The following KAZN variants were observed in gnomAD, a reference collection of about 807,000 sequenced individuals.
KAZN encodes the protein kazrin, periplakin interacting protein.
In KAZN, 40 loss-of-function variants were observed where a neutral mutation model predicts 87.4. The ratio of observed to expected loss-of-function variants is 0.46; its 90% CI spans 0.36 to 0.60. The LOEUF (loss-of-function observed/expected upper bound fraction) is 0.60, where lower values mean the gene tolerates loss of function less well. Among genes scored for constraint, KAZN ranks in the 20% least tolerant of loss-of-function variants. The probability of loss-of-function intolerance (pLI) is 0.00; values close to 1 mark genes in which losing one functional copy is unlikely to be tolerated. For synonymous variants in KAZN, 466 were observed against 458.3 expected, an observed-to-expected ratio of 1.02 and a Z score of -0.22; for missense variants, 898 against 1,073.9, an observed-to-expected ratio of 0.84 and a Z score of 2.29.
At chr1:14,224,058 C>T (rs1022146745) in intron 2 of KAZN, among the ~76,000 whole-genome samples, 18 of 152,166 alleles carry the variant, frequency 1.2e-4, no homozygotes, top group African/African-American at 4.3e-4. Context: ...CAAGCTGGAC[C>T]TTTCAACAAT....
At chr1:15,112,094 TAAGATC>T (rs148543805) in intron 13 of KAZN, 147,428 of 361,658 alleles carry the variant, frequency 0.41, 31,788 homozygotes, top group East Asian at 0.68. Flanking sequence ...ACTGAAGAGT[TAAGATC>T]AAGACTTTGG....
At chr1:14,381,050 C>T (rs998438961) in intron 2 of KAZN, among the ~76,000 whole-genome samples, 6 of 152,154 alleles carry the variant, frequency 3.9e-5, no homozygotes, top group African/African-American at 1.4e-4. Flanking sequence ...GCAGAGGAGT[C>T]TCATCCCATG....
chr1:14,896,787 T>C (rs140248647), intron 1 of KAZN, among the ~76,000 whole-genome samples: 265 of 152,314 alleles, frequency 1.7e-3, no homozygotes, highest in African/African-American at 6.2e-3. Context: ...ATCTGGGTTC[T>C]AGAGAGGGAA....
chr1:13,988,920 A>T (rs1639150173), intron 1 of KAZN, among the ~76,000 whole-genome samples: 1 of 152,160 alleles, frequency 6.6e-6, no homozygotes, highest in Non-Finnish European at 1.5e-5. Flanking sequence ...TTGGCATCTT[A>T]CTTCATTTTG....
upstream of KAZN, among the ~76,000 whole-genome samples, chr1:14,594,780 C>T (rs553475278): frequency 1.6e-4 from 25 of 152,322 alleles, no homozygotes; most frequent in South Asian, 6.2e-4. Flanking sequence ...CGGCGGTAAA[C>T]GCCTATCAGC....
intron 2 of KAZN, among the ~76,000 whole-genome samples, chr1:14,467,584 G>C (rs1284159614): frequency 2.1e-5 from 3 of 144,104 alleles, no homozygotes; most frequent in African/African-American, 7.7e-5. Flanking sequence ...CATTCTACAA[G>C]TGACAAACTT....
chr1:14,880,276 G>A (rs1653197868), intron 1 of KAZN, among the ~76,000 whole-genome samples: 1 of 152,174 alleles, frequency 6.6e-6, no homozygotes, highest in African/African-American at 2.4e-5. Context: ...CTCTGAGACA[G>A]TCTGTGGATA....
chr1:13,922,899 T>C (rs1342550360), intron 1 of KAZN, among the ~76,000 whole-genome samples: 2 of 152,228 alleles, frequency 1.3e-5, no homozygotes, highest in Non-Finnish European at 2.9e-5. Context: ...GCTTAGAACA[T>C]TCGTCAGCAC....
chr1:14,001,057 C>G (rs932492791), intron 1 of KAZN, among the ~76,000 whole-genome samples: 95 of 152,122 alleles, frequency 6.2e-4, no homozygotes, highest in Non-Finnish European at 1.0e-4. Context: ...GCTGGGATTA[C>G]AGGCGTGAGC....
At chr1:14,226,687 A>G (rs1020121399) in intron 2 of KAZN, among the ~76,000 whole-genome samples, 2 of 152,208 alleles carry the variant, frequency 1.3e-5, no homozygotes, top group African/African-American at 4.8e-5. Context: ...TAAAGAGAAC[A>G]TGGTACATAT....
chr1:14,428,919 T>C (rs1172182010), intron 2 of KAZN, among the ~76,000 whole-genome samples: 1 of 151,840 alleles, frequency 6.6e-6, no homozygotes, highest in Non-Finnish European at 1.5e-5. Context: ...TATATATATA[T>C]AGGCTTTTCA....
rs1639209485 is a variant in KAZN, at chr1:15,066,157, T to A, written c.1222+404T>A. 9.7e-7 allele frequency: 1 copy of A among 1,028,666 alleles called. No homozygotes were observed. Among genetic ancestry groups the A allele is most frequent in the Non-Finnish European group, 1.2e-6 (1 of 858,694 alleles). The allele number at this position is 1,028,666 out of a possible 1,614,324, so 63.7% of individuals were successfully genotyped here. A position where few individuals can be genotyped will look rare whatever the true frequency, so the allele number is the denominator to read the frequency against. ...TTCGTCGGTTTGTTTTTGTTTTTGT[T>A]TTTTTCCCCCTTTCTCCTCCCCTCC... is the stretch of plus-strand genomic sequence containing the variant. On this transcript the variant is annotated intron_variant, in intron 8 of 14. Transcript: ENST00000376030. This position sits in a 1 kb window ranked among gnomAD's most constrained non-coding sequence, Gnocchi z 4.3.
At chr1:14,237,529 T>A (rs1379202673) in intron 2 of KAZN, among the ~76,000 whole-genome samples, 2 of 152,160 alleles carry the variant, frequency 1.3e-5, no homozygotes, top group African/African-American at 4.8e-5. Flanking sequence ...TATCTTTCAC[T>A]TAGGCACACC....
rs1221164888 is a variant in KAZN, at chr1:14,458,763, G to C, written c.250-140220G>C. Among the ~76,000 whole-genome samples the C allele has an allele frequency of 3.9e-5, 6 of 152,086 alleles. No individual in the cohort carries two copies. The South Asian group carries it at 6.2e-4, about 16-fold the overall frequency. On this transcript the variant is annotated intron_variant, in intron 2 of 16. Transcript: ENST00000636203. ...CTTCATTTAAATTTGTTATTCATGG[G>C]GTCAGAGACTCCGTGCCCATGATGG...
intron 2 of KAZN, among the ~76,000 whole-genome samples, chr1:15,010,776 C>A (rs1212549454): frequency 6.6e-6 from 1 of 152,184 alleles, no homozygotes; most frequent in Non-Finnish European, 1.5e-5. Flanking sequence ...GCAGTGTTCT[C>A]TTCTCTCACT....
At chr1:14,453,072 C>T (rs1309122302) in intron 2 of KAZN, among the ~76,000 whole-genome samples, 1 of 152,152 alleles carries the variant, frequency 6.6e-6, no homozygotes, top group Non-Finnish European at 1.5e-5. Context: ...TCTTCTGCCT[C>T]AGCCTCCCAA....
At chr1:14,668,191 T>C (rs989692850) in intron 1 of KAZN, among the ~76,000 whole-genome samples, 4 of 152,222 alleles carry the variant, frequency 2.6e-5, no homozygotes, top group African/African-American at 7.2e-5. Flanking sequence ...GGGAACTTCA[T>C]ATGTAATTTC....
At chr1:14,960,303 T>G (rs1663685149) in intron 1 of KAZN, among the ~76,000 whole-genome samples, 1 of 152,196 alleles carries the variant, frequency 6.6e-6, no homozygotes, top group Non-Finnish European at 1.5e-5. Context: ...TGATGGTCCC[T>G]GCATCCGAAG....
intron 1 of KAZN, among the ~76,000 whole-genome samples, chr1:14,901,872 T>G (rs979746602): frequency 7.2e-5 from 11 of 152,116 alleles, no homozygotes; most frequent in African/African-American, 1.9e-4. Context: ...TGCTGATATA[T>G]TTGGGGAAAT....
Sources: allele counts gnomAD v4.1 joint callset (sites outside exome capture counted in the v4.1 genomes callset), GRCh38; gene constraint gnomAD v4.1.1; non-coding constraint Gnocchi (gnomAD v3.1); transcripts MANE v1.5; gene names NCBI Gene and HGNC (gene_info 2026-07-23, HGNC 2026-07-21).